WDPCP: variants seen among roughly 807,000 people sequenced by gnomAD.
The protein encoded by WDPCP is WD repeat-containing and planar cell polarity effector protein fritz homolog.
Under a neutral mutation model 93.1 loss-of-function variants are expected in WDPCP, and 71 were observed. That is an observed-to-expected ratio of 0.76 (90% confidence interval 0.63 to 0.93). The LOEUF (loss-of-function observed/expected upper bound fraction) is 0.93. Among genes scored for constraint, WDPCP ranks in the 40% least tolerant of loss-of-function variants. The pLI, the probability that WDPCP is intolerant of heterozygous loss-of-function variation, is 0.00. For synonymous variants in WDPCP, 315 were observed against 315.0 expected, an observed-to-expected ratio of 1.00 and a Z score of 0.00; for missense variants, 844 against 887.4, an observed-to-expected ratio of 0.95 and a Z score of 0.62.
At chr2:63,648,490 G>A (rs571127383) in intron 3 of WDPCP, among the ~76,000 whole-genome samples, 1 of 152,166 alleles carries the variant, frequency 6.6e-6, no homozygotes, top group Admixed American at 6.5e-5. Context: ...CCACAATCAA[G>A]GTATTTACAT....
intron 3 of WDPCP, among the ~76,000 whole-genome samples, chr2:63,636,825 G>A (rs1277150052): frequency 6.6e-6 from 1 of 152,100 alleles, no homozygotes. Flanking sequence ...AATGAAGAAA[G>A]ATAATATCTT....
At chr2:63,677,166 A>T (rs983871791) in intron 2 of WDPCP, among the ~76,000 whole-genome samples, 4 of 152,204 alleles carry the variant, frequency 2.6e-5, no homozygotes. Context: ...ACTGACTTAC[A>T]GGGAATGAAG....
intron 2 of WDPCP, among the ~76,000 whole-genome samples, chr2:63,757,673 A>T (rs943484847): frequency 4.6e-5 from 7 of 152,212 alleles, no homozygotes; most frequent in Non-Finnish European, 8.8e-5. Flanking sequence ...ATATGATGGG[A>T]CTGTACTTTC....
chr2:63,526,777 A>G (rs902058405), intron 1 of WDPCP, among the ~76,000 whole-genome samples: 3 of 152,058 alleles, frequency 2.0e-5, no homozygotes, highest in African/African-American at 7.2e-5. Flanking sequence ...CTTCAATCCC[A>G]GTTTTTTGTC....
At chr2:63,613,241 G>C (rs541571112) in intron 3 of WDPCP, among the ~76,000 whole-genome samples, 74 of 152,348 alleles carry the variant, frequency 4.9e-4, no homozygotes, top group African/African-American at 1.5e-3. Flanking sequence ...TAGTCCTCCA[G>C]TAGTAGACCC....
intron 2 of WDPCP, among the ~76,000 whole-genome samples, chr2:63,656,839 G>A (rs999590156): frequency 1.3e-5 from 2 of 152,198 alleles, no homozygotes; most frequent in African/African-American, 4.8e-5. Context: ...GAGCAAGGGG[G>A]CTGAGGAATG....
rs142297049 is a variant in WDPCP at position 63,707,389 on chromosome 2, G to T, written n.309-56551C>A. Among the ~76,000 whole-genome samples, 4 of 151,862 alleles carry T rather than the reference G, an allele frequency of 2.6e-5. No homozygotes were observed. The East Asian group carries it at 5.8e-4, about 22-fold the overall frequency. ...CATTTCATTCATTTTATCTTCCACC[G>T]CTGATACCCTTTCTTCCAGTTGATC... On this transcript the variant is annotated intron_variant and non_coding_transcript_variant, in intron 2 of 4. Coordinates refer to the WDPCP transcript ENST00000467687.
chr2:63,327,989 ATAGC>A (rs892882781), intron 12 of WDPCP, among the ~76,000 whole-genome samples: 2 of 152,174 alleles, frequency 1.3e-5, no homozygotes, highest in African/African-American at 2.4e-5. Context: ...CCGGCAGGAA[ATAGC>A]TAGAGCAGTC....
At chr2:63,427,535 A>C (rs1248102114) in intron 9 of WDPCP, among the ~76,000 whole-genome samples, 1 of 152,210 alleles carries the variant, frequency 6.6e-6, no homozygotes. Context: ...AATTTTTTGA[A>C]ATCAACGAAA....
chr2:63,650,554 G>T (rs1440742793), intron 3 of WDPCP: 1 of 152,138 alleles, frequency 6.6e-6, no homozygotes, highest in Admixed American at 6.5e-5. Flanking sequence ...GGAGATAACT[G>T]GGATAAAGAA....
At chr2:63,260,006 C>T (rs886621983) in intron 13 of WDPCP, among the ~76,000 whole-genome samples, 5 of 152,084 alleles carry the variant, frequency 3.3e-5, no homozygotes, top group Non-Finnish European at 5.9e-5. Context: ...GATTTTATAG[C>T]ACATATGTGC....
intron 1 of WDPCP, among the ~76,000 whole-genome samples, chr2:63,532,473 C>G (rs1703934068): frequency 6.6e-6 from 1 of 152,210 alleles, no homozygotes; most frequent in Non-Finnish European, 1.5e-5. Flanking sequence ...GGTCGGGTTA[C>G]CCACAAAGGG....
intron 3 of WDPCP, among the ~76,000 whole-genome samples, chr2:63,602,428 C>G (rs1395510143): frequency 6.8e-6 from 1 of 146,872 alleles, no homozygotes; most frequent in Non-Finnish European, 1.5e-5. Flanking sequence ...ACAGAGAAGG[C>G]CCATGTACCC....
intron 10 of WDPCP, among the ~76,000 whole-genome samples, chr2:63,395,808 T>A (rs1693679124): frequency 6.6e-6 from 1 of 152,056 alleles, no homozygotes; most frequent in Non-Finnish European, 1.5e-5. Context: ...GCTCACTGCA[T>A]CCTCCGCCTC....
the WDPCP span, among the ~76,000 whole-genome samples, chr2:63,838,003 G>A: frequency 3.3e-5 from 5 of 152,092 alleles, no homozygotes; most frequent in Non-Finnish European, 7.4e-5. Context: ...GGCTGAGGCA[G>A]GAGAATCCAG....
intron 2 of WDPCP, among the ~76,000 whole-genome samples, chr2:63,669,626 C>T (rs2106635150): frequency 6.6e-6 from 1 of 152,262 alleles, no homozygotes; most frequent in South Asian, 2.1e-4. Context: ...TCCCAAAGTG[C>T]TGGGATTACA....
intron 2 of WDPCP, among the ~76,000 whole-genome samples, chr2:63,682,687 A>G (rs1668732062): frequency 1.3e-5 from 2 of 152,136 alleles, no homozygotes; most frequent in Admixed American, 6.5e-5. Context: ...AAGTACAAGA[A>G]GCTTATAGAA....
At chr2:63,179,855 GAGA>G (rs999970195) in intron 14 of WDPCP, among the ~76,000 whole-genome samples, 5 of 152,160 alleles carry the variant, frequency 3.3e-5, no homozygotes, top group African/African-American at 1.2e-4. Flanking sequence ...ACTGTAATCA[GAGA>G]AGATATTTTC....
intron 1 of WDPCP, among the ~76,000 whole-genome samples, chr2:63,825,205 T>G (rs1179203598): frequency 6.6e-6 from 1 of 152,190 alleles, no homozygotes; most frequent in Non-Finnish European, 1.5e-5. Flanking sequence ...CTTAATTTAA[T>G]ACATATCCTC....
Sources: allele counts gnomAD v4.1 joint callset (sites outside exome capture counted in the v4.1 genomes callset), GRCh38; gene constraint gnomAD v4.1.1; transcripts MANE v1.5; gene names NCBI Gene and HGNC (gene_info 2026-07-23, HGNC 2026-07-21).